SNIP1: variants seen among roughly 807,000 people sequenced by gnomAD.
The protein encoded by SNIP1 is smad nuclear-interacting protein 1.
Under a neutral mutation model 37.4 loss-of-function variants are expected in SNIP1, and 23 were observed. The ratio of observed to expected loss-of-function variants is 0.61; its 90% CI spans 0.44 to 0.87. SNIP1 has a LOEUF of 0.87. Ranked by LOEUF, SNIP1 falls within the 40% of genes least tolerant of loss-of-function variation. SNIP1 has a pLI of 0.00. For missense variants in SNIP1, 459 were observed against 540.4 expected, an observed-to-expected ratio of 0.85 and a Z score of 1.49; for synonymous variants, 174 against 200.0, an observed-to-expected ratio of 0.87 and a Z score of 1.10.
At chr1:37,544,640 C>A (rs981695847) in intron 2 of SNIP1, 1 of 481,518 alleles carries the variant, frequency 2.1e-6, no homozygotes, top group African/African-American at 2.0e-5. Context: ...GTACCCCACT[C>A]CGGCTGGCCG....
Position 37,540,247 on chromosome 1 carries a change from C to G in SNIP1, c.836G>C (p.Ser279Thr). The change falls in exon 3 of 4, where the codon AGT becomes ACT. Residue 279 changes from serine to threonine, a missense_variant. Physicochemically the swap from Ser to Thr is moderately conservative, Grantham distance 58. Transcript: ENST00000296215. The surrounding 1 kb of genome is among the most constrained non-coding windows in gnomAD (Gnocchi z 5.6). ...GCGGTGTCGACCCAGTAGGTACGCA[C>G]TCTGTCGATGTATGTACATGACTGG... Reference protein sequence around the residue: ...VLPVMYIHRQSAYLLGRHRRI... With the variant: ...VLPVMYIHRQTAYLLGRHRRI... 1 of 1,614,058 alleles carries G rather than the reference C, an allele frequency of 6.2e-7. No homozygotes were observed. The highest frequency in any genetic ancestry group is 2.2e-5 in the East Asian group (1 of 44,878).
chr1:37,545,743 C>T (rs907420589), intron 2 of SNIP1, among the ~76,000 whole-genome samples: 6 of 151,880 alleles, frequency 4.0e-5, no homozygotes, highest in East Asian at 1.9e-4. Flanking sequence ...GGATCACTTG[C>T]GTCCAGGAGT....
intron 2 of SNIP1, among the ~76,000 whole-genome samples, chr1:37,551,517 G>A (rs1208062971): frequency 6.6e-6 from 1 of 152,108 alleles, no homozygotes; most frequent in Admixed American, 6.5e-5. Flanking sequence ...ATAACTTTTT[G>A]GAGATGAGGT....
At chr1:37,548,029 G>C (rs967362113) in intron 2 of SNIP1, among the ~76,000 whole-genome samples, 116 of 151,100 alleles carry the variant, frequency 7.7e-4, no homozygotes, top group African/African-American at 2.7e-3. Flanking sequence ...GCGGGCGCCT[G>C]TAGTCCCAGC....
At chr1:37,545,071 G>A in intron 2 of SNIP1, 1 of 748,910 alleles carries the variant, frequency 1.3e-6, no homozygotes, top group Non-Finnish European at 2.5e-6. Context: ...CATTACATTT[G>A]GAAAAACTTG....
intron 1 of SNIP1, 58 bp downstream of exon 1, chr1:37,553,948 G>C: frequency 6.6e-7 from 1 of 1,524,746 alleles, no homozygotes; most frequent in Middle Eastern, 2.3e-4. Flanking sequence ...CGCTAGCCCT[G>C]CCCGCCTTTC....
chr1:37,552,862 C>G, intron 1 of SNIP1, 115 bp from the exon 2 acceptor site: 3 of 831,338 alleles, frequency 3.6e-6, no homozygotes, highest in Non-Finnish European at 6.2e-6. Flanking sequence ...AAGGTCTCTG[C>G]CGGTCACATT....
Position 37,537,766 on chromosome 1 carries a change from T to TTCC in SNIP1, c.1170_1172dup (p.Glu392dup), listed in dbSNP as rs754296336. ...TAGTTTGCTAGCTGTCAGACACTTC[T>TTCC]TCCTCCTCCTCCTCATCCTCGTCAT... On this transcript the variant is annotated inframe_insertion, in exon 4 of 4. Coordinates refer to ENST00000296215, the MANE Select transcript of SNIP1 (RefSeq NM_024700.4). The TTCC allele has an allele frequency of 1.2e-6, 2 of 1,613,572 alleles. No individual in the cohort carries two copies. The highest frequency in any genetic ancestry group is 2.2e-5 in the East Asian group (1 of 44,884).
At chr1:37,545,018 G>A (rs1643215893) in intron 2 of SNIP1, 1 of 760,876 alleles carries the variant, frequency 1.3e-6, no homozygotes, top group Non-Finnish European at 2.4e-6. Context: ...CAAGAAACCA[G>A]ACCATGATGA....
Position 37,554,163 on chromosome 1 carries a change from G to GCAC in SNIP1, c.64_66dup (p.Val22dup), listed in dbSNP as rs1363305821. ...TGCTTCACCACCACCCCCGCCGGCA[G>GCAC]CACCACGTCCCCGTCCCGGTGTCTT... On this transcript the variant is annotated inframe_insertion, in exon 1 of 4. Transcript: ENST00000296215. 1 of 1,612,954 alleles carries GCAC rather than the reference G, an allele frequency of 6.2e-7. No homozygotes were observed. The highest frequency in any genetic ancestry group is 2.2e-5 in the East Asian group (1 of 44,862).
In SNIP1 at chr1:37,540,279, CTCA is replaced by C; in HGVS notation, c.801_803del (p.Asp267del). 1 of 1,614,100 alleles carries C rather than the reference CTCA, an allele frequency of 6.2e-7. No individual in the cohort carries two copies. On this transcript the variant is annotated inframe_deletion, in exon 3 of 4. Coordinates refer to ENST00000296215, the MANE Select transcript of SNIP1 (RefSeq NM_024700.4). This position sits in a 1 kb window ranked among gnomAD's most constrained non-coding sequence, Gnocchi z 5.6. ...GATGTATGTACATGACTGGAAGCAC[CTCA>C]TCATTTTTAAATGGGTAGAGACGCC...
intron 3 of SNIP1, among the ~76,000 whole-genome samples, chr1:37,538,861 A>G (rs1570017235): frequency 1.3e-5 from 2 of 152,136 alleles, no homozygotes; most frequent in Admixed American, 1.3e-4. Context: ...GCGGGCAAGC[A>G]GGCAAGCGAG....
chr1:37,534,900 A>G lies in SNIP1; in HGVS notation c.*2848T>C, dbSNP rs962108915. 1 of 152,114 alleles carries G rather than the reference A, an allele frequency of 6.6e-6. No individual in the cohort carries two copies. Among genetic ancestry groups the G allele is most frequent in the African/African-American group, 2.4e-5 (1 of 41,394 alleles). 9.4% of individuals were successfully genotyped at this position (152,114 alleles called of 1,614,324 possible). ...AGCCACCGTGGAGAAAAGATAGAGAATGAAGAAGTTCCAAATGGCTAAGAT... is the reference window on the plus strand; with the variant it reads ...AGCCACCGTGGAGAAAAGATAGAGAGTGAAGAAGTTCCAAATGGCTAAGAT... On this transcript the variant is annotated 3_prime_UTR_variant, in exon 4 of 4. Coordinates refer to ENST00000296215, the MANE Select transcript of SNIP1 (RefSeq NM_024700.4).
Position 37,540,082 on chromosome 1 carries a change from G to T in SNIP1, c.926+75C>A. 7.4e-7 allele frequency: 1 copy of T among 1,343,102 alleles called. No homozygotes were observed. The highest frequency in any genetic ancestry group is 1.0e-6 in the Non-Finnish European group (1 of 976,890). The allele number at this position is 1,343,102 out of a possible 1,614,324, so 83.2% of individuals were successfully genotyped here. On this transcript the variant is annotated intron_variant, in intron 3 of 3. Coordinates refer to ENST00000296215, the MANE Select transcript of SNIP1 (RefSeq NM_024700.4). The surrounding 1 kb of genome is among the most constrained non-coding windows in gnomAD (Gnocchi z 5.6). ...GTATGGGATTCTTCTGCATAAACAT[G>T]AACAAAAATCTTAGTAATCCTAACT...
chr1:37,549,249 A>G (rs895082715), intron 2 of SNIP1, among the ~76,000 whole-genome samples: 1 of 152,198 alleles, frequency 6.6e-6, no homozygotes, highest in Admixed American at 6.5e-5. Flanking sequence ...AGAAATATGT[A>G]TAGGATTTAT....
chr1:37,546,673 CA>C (rs537604853), intron 2 of SNIP1, among the ~76,000 whole-genome samples: 59 of 149,454 alleles, frequency 3.9e-4, no homozygotes, highest in Admixed American at 7.3e-4. Flanking sequence ...GACTCTGTTT[CA>C]AAAAAAAAGA....
intron 1 of SNIP1, among the ~76,000 whole-genome samples, chr1:37,553,014 T>G (rs1643318962): frequency 6.6e-6 from 1 of 152,120 alleles, no homozygotes; most frequent in Non-Finnish European, 1.5e-5. Context: ...CCTCTCCTAC[T>G]CCTTGCCATC....
intron 2 of SNIP1, among the ~76,000 whole-genome samples, chr1:37,543,027 T>C (rs1028974005): frequency 2.7e-5 from 4 of 148,546 alleles, no homozygotes. Flanking sequence ...ACCACTGCAG[T>C]CCAGCCTTGG....
At chr1:37,552,779 G>T (rs756354627) in intron 1 of SNIP1, 32 bp from the exon 2 acceptor site, 2 of 1,561,126 alleles carry the variant, frequency 1.3e-6, no homozygotes, top group South Asian at 2.2e-5. Flanking sequence ...GGATTTTATC[G>T]CAATTTCCCT....
Sources: gnomAD v4.1 joint callset for allele counts (sites outside exome capture counted in the v4.1 genomes callset) on GRCh38, gnomAD v4.1.1 for gene constraint, Gnocchi (gnomAD v3.1) non-coding constraint, MANE v1.5 for transcripts, NCBI Gene and HGNC (gene_info 2026-07-23, HGNC 2026-07-21) for gene names.